The following GRIA1 variants were observed in gnomAD, a reference collection of about 807,000 sequenced individuals.
GRIA1 encodes glutamate receptor 1.
Under a neutral mutation model 99.2 loss-of-function variants are expected in GRIA1, and 31 were observed. That is an observed-to-expected ratio of 0.31 (90% CI 0.23 to 0.42). The LOEUF is 0.42. Among genes scored for constraint, GRIA1 ranks in the 10% least tolerant of loss-of-function variants. GRIA1 has a pLI of 1.00. For synonymous variants in GRIA1, 438 were observed against 432.4 expected (o/e 1.01, Z -0.16); for missense variants, 782 against 1,157.5 (o/e 0.68, Z 4.71).
rs570186487 is a variant in GRIA1, at chr5:153,516,707, C to T, written c.220+22642C>T. Among the ~76,000 whole-genome samples, 9 of 152,138 alleles carry T rather than the reference C, an allele frequency of 5.9e-5. No individual in the cohort carries two copies. The South Asian group carries it at 1.0e-3, about 18-fold the overall frequency. ...GCTGCTGCGTCCAGATCTCCCTTCA[C>T]GAGGAAGAAATGTGTCTGCACTTTT... On this transcript the variant is annotated intron_variant, in intron 2 of 15. Coordinates refer to ENST00000285900, the MANE Select transcript of GRIA1 (RefSeq NM_000827.4).
intron 13 of GRIA1, among the ~76,000 whole-genome samples, chr5:153,772,433 A>AT (rs1554126228): frequency 3.3e-5 from 5 of 152,220 alleles, no homozygotes; most frequent in Non-Finnish European, 4.4e-5. Context: ...AACACAGGTA[A>AT]TAATACAGAG....
chr5:153,715,621 C>T (rs115419585), intron 11 of GRIA1, among the ~76,000 whole-genome samples: 6,591 of 152,118 alleles, frequency 0.043, 157 homozygotes, highest in Middle Eastern at 0.11. Context: ...TTGCCTTGCA[C>T]GGGGGTGACA....
rs138667320 is a variant in GRIA1, at chr5:153,719,567, C to T, written c.1823+13500C>T. 8.4e-3 allele frequency among the ~76,000 whole-genome samples: 1,279 copies of T among 152,090 alleles called. 7 individuals are homozygous for T. The highest frequency in any genetic ancestry group is 0.014 in the Middle Eastern group (4 of 294). On this transcript the variant is annotated intron_variant, in intron 11 of 15. Transcript: ENST00000285900. ...GGCTCCTCTGTGGGCTTCCTCACAG[C>T]ACGATGGCTGGGTTCCAAGAACAAG... is the stretch of plus-strand genomic sequence containing the variant.
At chr5:153,781,591 T>G (rs902255271) in intron 13 of GRIA1, among the ~76,000 whole-genome samples, 1 of 152,206 alleles carries the variant, frequency 6.6e-6, no homozygotes. Flanking sequence ...CCAACTTCGA[T>G]GTACATGATG....
intron 8 of GRIA1, among the ~76,000 whole-genome samples, chr5:153,697,296 T>C (rs776608933): frequency 4.6e-5 from 7 of 152,226 alleles, no homozygotes; most frequent in Non-Finnish European, 8.8e-5. Context: ...GCAAGCCCTA[T>C]CTCTCAGACT....
intron 2 of GRIA1, among the ~76,000 whole-genome samples, chr5:153,553,193 C>A (rs1035226671): frequency 4.6e-5 from 7 of 152,194 alleles, no homozygotes; most frequent in African/African-American, 1.7e-4. Flanking sequence ...GGGTCTTCAG[C>A]CAAAAGAACA....
At position 153,672,735 on chromosome 5, in the gene GRIA1, C is replaced by A. The variant is rs557337206; in HGVS notation, c.700-1765C>A. Among the ~76,000 whole-genome samples the A allele has an allele frequency of 1.6e-4, 24 of 152,202 alleles. 1 individual carries two copies. The South Asian group carries it at 2.7e-3, about 17-fold the overall frequency. ...TAGGATCCCAAGAGGGAGCTGGGAC[C>A]GCTGCTCTAATTCCTTGGCTCCCAG... On this transcript the variant is annotated intron_variant, in intron 5 of 15. Coordinates refer to ENST00000285900, the MANE Select transcript of GRIA1 (RefSeq NM_000827.4).
intron 8 of GRIA1, among the ~76,000 whole-genome samples, chr5:153,691,400 G>T (rs1021458766): frequency 1.4e-4 from 22 of 152,218 alleles, no homozygotes; most frequent in African/African-American, 4.6e-4. Context: ...CATCACCATT[G>T]TTCCTATAGC....
chr5:153,742,000 C>T (rs541581695), intron 11 of GRIA1, among the ~76,000 whole-genome samples: 1 of 150,964 alleles, frequency 6.6e-6, no homozygotes, highest in Admixed American at 6.6e-5. Flanking sequence ...TGGGGATTTG[C>T]AGGCTGTTTG....
At position 153,543,240 on chromosome 5, in the gene GRIA1, G is replaced by A. The variant is rs114887006; in HGVS notation, c.220+49175G>A. Among the ~76,000 whole-genome samples, 268 of 152,220 alleles carry A rather than the reference G, an allele frequency of 1.8e-3. 4 individuals carry two copies. The highest frequency in any genetic ancestry group is 6.2e-3 in the African/African-American group (258 of 41,554). On this transcript the variant is annotated intron_variant, in intron 2 of 15. Transcript: ENST00000285900. ...TGGTGACAATGTTGTAATCCCAGTG[G>A]TAATATTATAATGGTGGCAGTTGTG...
intron 11 of GRIA1, among the ~76,000 whole-genome samples, chr5:153,754,866 C>A (rs780979126): frequency 6.6e-6 from 1 of 152,074 alleles, no homozygotes; most frequent in African/African-American, 2.4e-5. Flanking sequence ...TTTCATGGAG[C>A]TTATGGTGTA....
At position 153,741,168 on chromosome 5, in the gene GRIA1, G is replaced by A. The variant is rs868247029; in HGVS notation, c.1824-23266G>A. Among the ~76,000 whole-genome samples the A allele has an allele frequency of 9.2e-5, 14 of 151,946 alleles. 1 individual carries two copies. The South Asian group carries it at 2.9e-3, about 32-fold the overall frequency. Reference sequence around the variant, plus strand: ...ATTTTTTGTATTTTTAGTAGAGATGGTTTCACCGTGTTAGCCAGGATGGAC... The same window carrying A: ...ATTTTTTGTATTTTTAGTAGAGATGATTTCACCGTGTTAGCCAGGATGGAC... On this transcript the variant is annotated intron_variant, in intron 11 of 15. Coordinates refer to ENST00000285900, the MANE Select transcript of GRIA1 (RefSeq NM_000827.4).
At chr5:153,583,875 TG>T (rs909288012) in intron 2 of GRIA1, among the ~76,000 whole-genome samples, 5 of 152,300 alleles carry the variant, frequency 3.3e-5, no homozygotes, top group African/African-American at 1.2e-4. Context: ...TGACCCAGAC[TG>T]GGGCACCAAG....
chr5:153,770,087 T>C, intron 12 of GRIA1, 81 bp from the exon 13 acceptor site: 1 of 1,388,646 alleles, frequency 7.2e-7, no homozygotes, highest in Non-Finnish European at 1.0e-6. Context: ...GTGATCAAGC[T>C]ACACTCAGCT....
At chr5:153,591,628 C>T (rs749156258) in intron 2 of GRIA1, among the ~76,000 whole-genome samples, 5 of 152,252 alleles carry the variant, frequency 3.3e-5, no homozygotes, top group African/African-American at 1.2e-4. Flanking sequence ...TAGTATCTAG[C>T]ACCAAGAAGC....
intron 5 of GRIA1, among the ~76,000 whole-genome samples, chr5:153,657,442 A>G (rs1010226238): frequency 1.3e-5 from 2 of 152,220 alleles, no homozygotes; most frequent in African/African-American, 2.4e-5. Context: ...CTTTTTATCT[A>G]TAACAAATTT....
intron 2 of GRIA1, among the ~76,000 whole-genome samples, chr5:153,605,735 T>C (rs1387900682): frequency 1.3e-5 from 2 of 152,230 alleles, no homozygotes; most frequent in African/African-American, 2.4e-5. Context: ...CTTGATTATT[T>C]GTGAGTTTTA....
At chr5:153,799,624 T>C (rs1279096479) in intron 14 of GRIA1, among the ~76,000 whole-genome samples, 1 of 152,186 alleles carries the variant, frequency 6.6e-6, no homozygotes, top group Admixed American at 6.5e-5. Context: ...TCTCCCTTGA[T>C]TCCAGAGGTC....
chr5:153,673,964 A>T (rs1431573524), intron 5 of GRIA1, among the ~76,000 whole-genome samples: 1 of 152,240 alleles, frequency 6.6e-6, no homozygotes, highest in Non-Finnish European at 1.5e-5. Flanking sequence ...GGCCTCTTCC[A>T]CAGACTTGCT....
Sources: allele counts gnomAD v4.1 joint callset (sites outside exome capture counted in the v4.1 genomes callset), GRCh38; gene constraint gnomAD v4.1.1; transcripts MANE v1.5; gene names NCBI Gene and HGNC (gene_info 2026-07-23, HGNC 2026-07-21).